PHF10: variants seen among roughly 807,000 people sequenced by gnomAD.
PHF10 encodes the protein BRG1-associated factor 45a.
PHF10 carries 51 observed loss-of-function variants against 68.5 expected under a neutral mutation model. The observed-to-expected ratio is 0.74, with a 90% CI of 0.59 to 0.94. PHF10 has a LOEUF of 0.94. PHF10 is among the 40% of genes least tolerant of loss of function. PHF10 has a pLI of 0.00. For synonymous variants in PHF10, 204 were observed against 203.5 expected (o/e 1.00, Z -0.02); for missense variants, 460 against 602.6 (o/e 0.76, Z 2.48).
chr6:169,713,674 TC>T (rs1363143989), intron 7 of PHF10, among the ~76,000 whole-genome samples: 1 of 151,978 alleles, frequency 6.6e-6, no homozygotes, highest in Non-Finnish European at 1.5e-5. Context: ...ATTTAAAAAA[TC>T]TTTTTTTATT....
rs765565149 is a variant in PHF10, at chr6:169,712,491, A to AT, written c.851dup (p.Tyr284Ter). ...LRYLPLNTALYEPPLDPELPA... is the reference protein window; with the variant it reads ...LRYLPLNTAL Reference sequence around the variant, plus strand: ...GGAGCTCAGGATCCAGAGGGGGCTCATACAGGGCTGTGTTTAATGGCAGAT... The same window carrying AT: ...GGAGCTCAGGATCCAGAGGGGGCTCATTACAGGGCTGTGTTTAATGGCAGAT... Residue 284 changes from tyrosine to a stop codon, truncating the protein, a stop_gained and frameshift_variant, in exon 8 of 12, where the codon TAT becomes TAAT. Transcript: ENST00000339209. LOFTEE classifies it high-confidence loss of function. 6.2e-7 allele frequency: 1 copy of AT among 1,613,950 alleles called. No individual in the cohort carries two copies.
chr6:169,715,708 A>C lies in PHF10; in HGVS notation c.693T>G (p.His231Gln). The C allele has an allele frequency of 1.9e-6, 3 of 1,611,444 alleles. No individual in the cohort carries two copies. Among genetic ancestry groups the C allele is most frequent in the Non-Finnish European group, 8.5e-7 (1 of 1,179,598 alleles). Residue 231 changes from histidine (H) to glutamine (Q), a missense_variant and splice_region_variant, in exon 6 of 12, where the codon CAT (histidine) becomes CAG (glutamine). Around this residue, in one of 3 missense-constraint regions of PHF10, gnomAD observed 256 missense variants for 410.5 expected, o/e 0.62. Transcript: ENST00000339209. ...ERRAYFDLQT[H>Q]VIQVPQGKYK... ...GGGTACTAAATTTAAGTTATCCTACATGTGTCTGCAAGTCAAAATAAGCTC... is the reference window on the plus strand; with the variant it reads ...GGGTACTAAATTTAAGTTATCCTACCTGTGTCTGCAAGTCAAAATAAGCTC...
Position 169,713,577 on chromosome 6 carries a change from C to T in PHF10, c.804-1038G>A, listed in dbSNP as rs1231659482. On this transcript the variant is annotated intron_variant, in intron 7 of 11. Transcript: ENST00000339209. ...TCGCGCCACTGCACTCCAGCCTGGGCGACAGCGTGAGACTCCATCTCAAAA... is the reference window on the plus strand; with the variant it reads ...TCGCGCCACTGCACTCCAGCCTGGGTGACAGCGTGAGACTCCATCTCAAAA... Among the ~76,000 whole-genome samples, 21 of 141,012 alleles carry T rather than the reference C, an allele frequency of 1.5e-4. No homozygotes were observed. The South Asian group carries it at 3.6e-3, about 24-fold the overall frequency. The allele number at this position is 141,012 out of a possible 152,430, so 92.5% of individuals were successfully genotyped here. A position where few individuals can be genotyped will look rare whatever the true frequency, so the allele number is the denominator to read the frequency against.
chr6:169,721,060 GCCT>G lies in PHF10; in HGVS notation c.136_138del (p.Arg47del), dbSNP rs1339052975. 157 of 1,547,198 alleles carry G rather than the reference GCCT, an allele frequency of 1.0e-4. No individual in the cohort carries two copies. The highest frequency in any genetic ancestry group is 1.4e-4 in the Non-Finnish European group (157 of 1,144,900). On this transcript the variant is annotated inframe_deletion, in exon 2 of 12. Coordinates refer to ENST00000339209, the MANE Select transcript of PHF10 (RefSeq NM_018288.4). ...CTAGAACTATCTCCTGAGCCCATTC[GCCT>G]CCTTTTGGATGGCTGGGTCCCATCA...
At chr6:169,716,166 T>A (rs1190707890) in intron 4 of PHF10, 78 bp from the exon 5 acceptor site, 1 of 915,620 alleles carries the variant, frequency 1.1e-6, no homozygotes, top group Non-Finnish European at 1.6e-6. Flanking sequence ...CAAAATTTAA[T>A]TCTTCAAACC....
chr6:169,710,367 C>G lies in PHF10; in HGVS notation c.982G>C (p.Glu328Gln). 1 of 1,612,528 alleles carries G rather than the reference C, an allele frequency of 6.2e-7. No homozygotes were observed. Among genetic ancestry groups the G allele is most frequent in the Non-Finnish European group, 8.5e-7 (1 of 1,178,638 alleles). The change falls in exon 9 of 12, where the codon GAA (glutamate) becomes CAA (glutamine). Residue 328 changes from glutamate (E) to glutamine (Q), a missense_variant. Glu to Gln is a conservative substitution (Grantham distance 29). Transcript: ENST00000339209. ...TSDSSSGNVS[E>Q]GESPPDSQED... The stretch of plus-strand genomic sequence containing the variant: ...TGGCTGTCAGGAGGGCTTTCCCCTT[C>G]AGATACATTGCCAGAGGAGCTGTCC...
chr6:169,704,753 C>T (rs1447958765), intron 11 of PHF10: 1 of 176,654 alleles, frequency 5.7e-6, no homozygotes, highest in Non-Finnish European at 1.3e-5. Flanking sequence ...TGTCATGCTG[C>T]CTCAATTTAC....
intron 1 of PHF10, among the ~76,000 whole-genome samples, chr6:169,722,103 G>A (rs1428325016): frequency 5.9e-5 from 9 of 152,124 alleles, no homozygotes; most frequent in Non-Finnish European, 1.5e-5. Context: ...ATGATTAAAC[G>A]AGCTACTATA....
At position 169,705,614 on chromosome 6, in the gene PHF10, AC is replaced by A; in HGVS notation, c.1222+1del. ...ATTTTAAAAAGACATTTCAATACTTACCACTATTCTCACATTGGGAGCAGTG... is the reference window on the plus strand; with the variant it reads ...ATTTTAAAAAGACATTTCAATACTTACACTATTCTCACATTGGGAGCAGTG... On this transcript the variant is annotated splice_donor_variant, in intron 10 of 11. Coordinates refer to ENST00000339209, the MANE Select transcript of PHF10 (RefSeq NM_018288.4). LOFTEE classifies it high-confidence loss of function. 2 of 1,318,836 alleles carry A rather than the reference AC, an allele frequency of 1.5e-6. No homozygotes were observed. Among genetic ancestry groups the A allele is most frequent in the Non-Finnish European group, 2.2e-6 (2 of 911,118 alleles). 81.7% of individuals were successfully genotyped at this position (1,318,836 alleles called of 1,614,324 possible).
intron 8 of PHF10, 40 bp downstream of exon 8, chr6:169,712,346 G>C: frequency 1.3e-6 from 2 of 1,572,430 alleles, no homozygotes; most frequent in African/African-American, 2.7e-5. Context: ...AAAATTCAAA[G>C]AGAAAGGAAA....
At position 169,712,375 on chromosome 6, in the gene PHF10, A is replaced by G; in HGVS notation, c.957+11T>C. The G allele has an allele frequency of 6.2e-7, 1 of 1,611,800 alleles. No individual in the cohort carries two copies. Among genetic ancestry groups the G allele is most frequent in the South Asian group, 1.1e-5 (1 of 90,998 alleles). On this transcript the variant is annotated intron_variant, in intron 8 of 11. Transcript: ENST00000339209. ...AAGGAAATGCTTCCTACTAGAGAGA[A>G]ATGTTCTCACCGAAGTGCCTTTATT... is the stretch of plus-strand genomic sequence containing the variant.
At position 169,712,460 on chromosome 6, in the gene PHF10, G is replaced by C. The variant is rs959770702; in HGVS notation, c.883C>G (p.Leu295Val). ...EPPLDPELPA[L>V]DSDGDSDDGE... ...TCATCTGAATCACCATCACTGTCTAGAGCAGGGAGCTCAGGATCCAGAGGG... is the reference window on the plus strand; with the variant it reads ...TCATCTGAATCACCATCACTGTCTACAGCAGGGAGCTCAGGATCCAGAGGG... Residue 295 changes from leucine (L) to valine (V), a missense_variant, in exon 8 of 12, where the codon CTA becomes GTA. Coordinates refer to ENST00000339209, the MANE Select transcript of PHF10 (RefSeq NM_018288.4). 6.2e-7 allele frequency: 1 copy of C among 1,613,894 alleles called. No individual in the cohort carries two copies. The highest frequency in any genetic ancestry group is 2.2e-5 in the East Asian group (1 of 44,874).
At chr6:169,706,436 A>G (rs1788792107) in intron 9 of PHF10, among the ~76,000 whole-genome samples, 1 of 152,324 alleles carries the variant, frequency 6.6e-6, no homozygotes, top group South Asian at 2.1e-4. Context: ...AGTCACTTAA[A>G]AAATACACGA....
rs1190141299 is a variant in PHF10 at position 169,703,956 on chromosome 6, A to G, written c.*47T>C. 1 of 1,392,514 alleles carries G rather than the reference A, an allele frequency of 7.2e-7. No individual in the cohort carries two copies. The highest frequency in any genetic ancestry group is 1.4e-5 in the South Asian group (1 of 71,796). 86.3% of individuals were successfully genotyped at this position (1,392,514 alleles called of 1,614,324 possible). On this transcript the variant is annotated 3_prime_UTR_variant, in exon 12 of 12. Coordinates refer to ENST00000339209, the MANE Select transcript of PHF10 (RefSeq NM_018288.4). Reference sequence around the variant, plus strand: ...TGAAAATAATGTTGTAAATGGCACCAAATATTCCACTTAAATGCATATACA... The same window carrying G: ...TGAAAATAATGTTGTAAATGGCACCGAATATTCCACTTAAATGCATATACA...
At position 169,724,151 on chromosome 6, in the gene PHF10, C is replaced by A. The variant is rs1231940275; in HGVS notation, c.-220G>T. Reference sequence around the variant, plus strand: ...CCATGGCCGTCGCCAGCGCGCCGCCCGCGCGGGAGGGCGCCAAAGGCTGGG... The same window carrying A: ...CCATGGCCGTCGCCAGCGCGCCGCCAGCGCGGGAGGGCGCCAAAGGCTGGG... On this transcript the variant is annotated 5_prime_UTR_variant, in exon 1 of 12. Coordinates refer to ENST00000339209, the MANE Select transcript of PHF10 (RefSeq NM_018288.4). 1.4e-5 allele frequency: 2 copies of A among 144,796 alleles called. No individual in the cohort carries two copies. Among genetic ancestry groups the A allele is most frequent in the Non-Finnish European group, 3.1e-5 (2 of 65,532 alleles). The allele number at this position is 144,796 out of a possible 1,614,324, so 9.0% of individuals were successfully genotyped here.
Position 169,724,335 on chromosome 6 carries a change from A to G in PHF10, c.-404T>C, listed in dbSNP as rs181196332. Among the ~76,000 whole-genome samples the G allele has an allele frequency of 1.9e-3, 131 of 69,826 alleles. No homozygotes were observed. Among genetic ancestry groups the G allele is most frequent in the African/African-American group, 4.1e-3 (65 of 15,980 alleles). 45.8% of individuals were successfully genotyped at this position (69,826 alleles called of 152,430 possible). The stretch of plus-strand genomic sequence containing the variant: ...CGCCGCGACTCCCTTCAGCCCCGCC[A>G]CTCGCTCGCCTCAGCCCCGCCGCTC... On this transcript the variant is annotated 5_prime_UTR_variant, in exon 1 of 12. Coordinates refer to ENST00000339209, the MANE Select transcript of PHF10 (RefSeq NM_018288.4).
Position 169,721,091 on chromosome 6 carries a change from T to A in PHF10, c.108A>T (p.Ser36=). Residue 36 remains serine, a synonymous_variant, in exon 2 of 12, where the codon TCA becomes TCT. Coordinates refer to ENST00000339209, the MANE Select transcript of PHF10 (RefSeq NM_018288.4). ...QSPKDDNEDN[S]NDGTQPSKRR... is the part of the protein sequence containing the mutation. ...TTTTGGATGGCTGGGTCCCATCATTTGAATTATCTTCATTATCATCCTATA... is the reference window on the plus strand; with the variant it reads ...TTTTGGATGGCTGGGTCCCATCATTAGAATTATCTTCATTATCATCCTATA... The A allele has an allele frequency of 6.5e-7, 1 of 1,527,170 alleles. No homozygotes were observed. Among genetic ancestry groups the A allele is most frequent in the Non-Finnish European group, 8.9e-7 (1 of 1,126,176 alleles). The allele number at this position is 1,527,170 out of a possible 1,614,324, so 94.6% of individuals were successfully genotyped here.
Position 169,723,867 on chromosome 6 carries a change from G to A in PHF10, c.65C>T (p.Thr22Ile). The change falls in exon 1 of 12, where the codon ACC becomes ATC. Residue 22 changes from threonine (T) to isoleucine (I), a missense_variant. Around this residue, in one of 3 missense-constraint regions of PHF10, gnomAD observed 93 missense variants for 82.4 expected, o/e 1.13. Coordinates refer to ENST00000339209, the MANE Select transcript of PHF10 (RefSeq NM_018288.4). ...SPRPCDSDPA[T>I]PGAQSPKDDN... is the part of the protein sequence containing the mutation. ...CACCTTCGGGGACTGCGCTCCGGGG[G>A]TGGCTGGGTCGCTGTCGCACGGCCG... 1 of 1,101,368 alleles carries A rather than the reference G, an allele frequency of 9.1e-7. No homozygotes were observed. The highest frequency in any genetic ancestry group is 1.1e-6 in the Non-Finnish European group (1 of 899,650). 68.2% of individuals were successfully genotyped at this position (1,101,368 alleles called of 1,614,324 possible).
At chr6:169,711,506 T>TAAGACTGTC (rs1788926310) in intron 8 of PHF10, among the ~76,000 whole-genome samples, 3 of 152,292 alleles carry the variant, frequency 2.0e-5, no homozygotes, top group Middle Eastern at 3.4e-3. Context: ...CTTAAATTGG[T>TAAGACTGTC]AAGACTGTCA....
Sources: gnomAD v4.1 joint callset for allele counts (sites outside exome capture counted in the v4.1 genomes callset) on GRCh38, gnomAD v4.1.1 for gene constraint, gnomAD v4.1.1 regional missense constraint, MANE v1.5 for transcripts, NCBI Gene and HGNC (gene_info 2026-07-23, HGNC 2026-07-21) for gene names.